Variants in ZNF608 observed in about 807,000 individuals in gnomAD.
The protein encoded by ZNF608 is zinc finger protein 608.
ZNF608 carries 12 observed loss-of-function variants against 109.0 expected under a neutral mutation model. That is an observed-to-expected ratio of 0.11 (90% CI 0.07 to 0.18). The LOEUF is 0.18. Ranked by LOEUF, ZNF608 falls within the 10% of genes least tolerant of loss-of-function variation. ZNF608 has a pLI of 1.00. For missense variants in ZNF608, 1,707 were observed against 1,879.3 expected (o/e 0.91, Z 1.70); for synonymous variants, 732 against 717.4 (o/e 1.02, Z -0.33).
chr5:124,708,810 G>A (rs757519449), intron 2 of ZNF608: 2 of 454,926 alleles, frequency 4.4e-6, no homozygotes, highest in South Asian at 1.6e-5. Context: ...TGGCCCCAAG[G>A]CCAGTGGGGC....
In ZNF608 at chr5:124,648,572, A is replaced by G. The variant is rs145180700; in HGVS notation, c.1812T>C (p.Asn604=). The change falls in exon 5 of 10, where the codon AAT becomes AAC. Residue 604 remains asparagine (N), a synonymous_variant. Transcript: ENST00000513986. ...KISDCEEGLS[N]VALECSEPST... ...TTGGCTCACTGCATTCAAGTGCCAC[A>G]TTACTCAATCCTTCCTCACAGTCCG... 1.8e-4 allele frequency: 289 copies of G among 1,614,020 alleles called. No individual in the cohort carries two copies. The highest frequency in any genetic ancestry group is 2.4e-4 in the Non-Finnish European group (284 of 1,180,044).
chr5:124,737,723 T>G (rs1017116268), intron 2 of ZNF608, among the ~76,000 whole-genome samples: 1 of 152,216 alleles, frequency 6.6e-6, no homozygotes, highest in Non-Finnish European at 1.5e-5. Context: ...TATGCAAAAT[T>G]CAGCTTTAGG....
rs768310125 is a variant in ZNF608, at chr5:124,744,456, G to C, written c.534C>G (p.Thr178=). 1 of 1,614,240 alleles carries C rather than the reference G, an allele frequency of 6.2e-7. No individual in the cohort carries two copies. The highest frequency in any genetic ancestry group is 8.5e-7 in the Non-Finnish European group (1 of 1,180,042). Residue 178 remains threonine (T), a synonymous_variant, in exon 2 of 10, where the codon ACC becomes ACG. Transcript: ENST00000513986. This position sits in a 1 kb window ranked among gnomAD's most constrained non-coding sequence, Gnocchi z 4.5. The part of the protein sequence containing the change: ...NSTSTSTSAA[T]AGAGSCGKSK... ...TTTTCCCACAGGAGCCTGCCCCCGCGGTGGCGGCAGAGGTGCTGGTGCTGG... is the reference window on the plus strand; with the variant it reads ...TTTTCCCACAGGAGCCTGCCCCCGCCGTGGCGGCAGAGGTGCTGGTGCTGG...
At chr5:124,743,205 C>A (rs991100432) in intron 2 of ZNF608, among the ~76,000 whole-genome samples, 3 of 152,222 alleles carry the variant, frequency 2.0e-5, no homozygotes. Flanking sequence ...ACCATCCACA[C>A]CGTTTAAATG....
intron 2 of ZNF608, among the ~76,000 whole-genome samples, chr5:124,703,089 G>GTT (rs375528536): frequency 2.7e-5 from 4 of 148,258 alleles, no homozygotes; most frequent in African/African-American, 7.4e-5. Flanking sequence ...TAAACCAGTG[G>GTT]TTTTTTTTTT....
intron 2 of ZNF608, among the ~76,000 whole-genome samples, chr5:124,718,546 C>G (rs1753791986): frequency 6.6e-6 from 1 of 152,180 alleles, no homozygotes; most frequent in Admixed American, 6.5e-5. Flanking sequence ...GGGCCACTGC[C>G]AAAAGCCCTT....
intron 3 of ZNF608, among the ~76,000 whole-genome samples, chr5:124,691,451 T>TA (rs1436887422): frequency 1.3e-5 from 2 of 152,150 alleles, no homozygotes; most frequent in African/African-American, 2.4e-5. Context: ...AGCCATTATT[T>TA]AAAAAATCAA....
intron 1 of ZNF608, chr5:124,745,898 T>C (rs1749622200): frequency 6.5e-6 from 1 of 154,444 alleles, no homozygotes; most frequent in Non-Finnish European, 1.4e-5. Context: ...ATATAAAAAG[T>C]TAAATACCTG....
chr5:124,723,177 C>T (rs116190950), intron 2 of ZNF608, among the ~76,000 whole-genome samples: 1 of 151,830 alleles, frequency 6.6e-6, no homozygotes, highest in Non-Finnish European at 1.5e-5. Context: ...ATTACAGGCA[C>T]GCGACACCAC....
In ZNF608 at chr5:124,744,808, T is replaced by A. The variant is rs141225030; in HGVS notation, c.182A>T (p.Asn61Ile). The A allele has an allele frequency of 3.0e-5, 49 of 1,613,998 alleles. No homozygotes were observed. The African/African-American group carries it at 6.0e-4, about 20-fold the overall frequency. The change falls in exon 2 of 10, where the codon AAC (asparagine) becomes ATC (isoleucine). Residue 61 changes from asparagine (N) to isoleucine (I), a missense_variant. Transcript: ENST00000513986. This position sits in a 1 kb window ranked among gnomAD's most constrained non-coding sequence, Gnocchi z 4.5. The stretch of plus-strand genomic sequence containing the variant: ...GGCCGGACCTCCACAATCCTTGGAG[T>A]TGCTGCTACTAGTGGTGGTGGTGGA... The part of the protein sequence containing the change: ...NNSTTTTSSS[N>I]SKDCGGPASS...
rs755956432 is a variant in ZNF608, at chr5:124,646,983, G to A, written c.3401C>T (p.Pro1134Leu). 5 of 1,614,038 alleles carry A rather than the reference G, an allele frequency of 3.1e-6. No individual in the cohort carries two copies. The East Asian group carries it at 6.7e-5, about 22-fold the overall frequency. ...RGDCERKSEL[P>L]LKELGKEETK... ...TTCCTCCTTGCCCAGCTCTTTCAAG[G>A]GGAGCTCACTTTTCCTTTCACAGTC... Residue 1134 changes from proline (P) to leucine (L), a missense_variant, in exon 5 of 10, where the codon CCC becomes CTC. By Grantham distance (98) the Pro-to-Leu change is moderately conservative. Transcript: ENST00000513986.
chr5:124,730,057 A>T (rs1748821725), intron 2 of ZNF608, among the ~76,000 whole-genome samples: 1 of 152,252 alleles, frequency 6.6e-6, no homozygotes, highest in Non-Finnish European at 1.5e-5. Flanking sequence ...AAGTAAAATT[A>T]TTCAAAAAGC....
chr5:124,716,196 C>G (rs901992753), intron 2 of ZNF608, among the ~76,000 whole-genome samples: 25 of 147,850 alleles, frequency 1.7e-4, no homozygotes, highest in South Asian at 4.3e-4. Context: ...AGTTGCTTTA[C>G]GTATCAAAAC....
rs1406416536 is a variant in ZNF608 at position 124,708,778 on chromosome 5, G to C, written c.907-7509C>G. ...TTAGCAGCTGATCTGGTAGGACTTG[G>C]CCTGGGGATGGACCAGGGCTCTGGC... On this transcript the variant is annotated intron_variant, in intron 2 of 9. Coordinates refer to ENST00000513986, the MANE Select transcript of ZNF608 (RefSeq NM_020747.3). 1.1e-5 allele frequency: 5 copies of C among 456,196 alleles called. 1 individual carries two copies. The highest frequency in any genetic ancestry group is 7.7e-5 in the South Asian group (5 of 64,572). The allele number at this position is 456,196 out of a possible 1,614,324, so 28.3% of individuals were successfully genotyped here.
Position 124,646,151 on chromosome 5 carries a change from A to G in ZNF608, c.3705+528T>C, listed in dbSNP as rs151187313. On this transcript the variant is annotated intron_variant, in intron 5 of 9. Coordinates refer to ENST00000513986, the MANE Select transcript of ZNF608 (RefSeq NM_020747.3). Reference sequence around the variant, plus strand: ...GCCAGGGTGGGCGGATCATGAGGTCAGGAGATCGAGACCATCTCGCTAACA... The same window carrying G: ...GCCAGGGTGGGCGGATCATGAGGTCGGGAGATCGAGACCATCTCGCTAACA... 1.4e-4 allele frequency among the ~76,000 whole-genome samples: 22 copies of G among 152,272 alleles called. No individual in the cohort carries two copies. In the East Asian group the frequency reaches 3.9e-3, roughly 27 times the overall value.
chr5:124,665,863 T>C (rs1179750990), intron 3 of ZNF608, among the ~76,000 whole-genome samples: 1 of 152,222 alleles, frequency 6.6e-6, no homozygotes, highest in African/African-American at 2.4e-5. Flanking sequence ...CTCCTCCCAA[T>C]AGCCTGCCAG....
At chr5:124,663,342 G>T (rs931814647) in intron 3 of ZNF608, among the ~76,000 whole-genome samples, 1 of 152,190 alleles carries the variant, frequency 6.6e-6, no homozygotes, top group African/African-American at 2.4e-5. Flanking sequence ...GCCGTAGAAG[G>T]TACACACCAG....
At chr5:124,733,142 C>A (rs376325729) in intron 2 of ZNF608, among the ~76,000 whole-genome samples, 2 of 151,614 alleles carry the variant, frequency 1.3e-5, no homozygotes, top group East Asian at 3.9e-4. Context: ...TAGGATTTGG[C>A]GACCAAGTAA....
In ZNF608 at chr5:124,649,022, G is replaced by A. The variant is rs1296322615; in HGVS notation, c.1362C>T (p.Ser454=). 2.5e-6 allele frequency: 4 copies of A among 1,613,966 alleles called. No individual in the cohort carries two copies. Among genetic ancestry groups the A allele is most frequent in the Admixed American group, 1.7e-5 (1 of 59,994 alleles). The change falls in exon 5 of 10, where the codon TCC becomes TCT. Residue 454 remains serine, a synonymous_variant. Transcript: ENST00000513986. ...APGSEASFTE[S]RGLQNKNRGG... The stretch of plus-strand genomic sequence containing the variant: ...CTCTGTTCTTATTCTGCAGCCCTCT[G>A]GACTCTGTGAAGCTGGCCTCGGAGC...
Sources: allele counts gnomAD v4.1 joint callset (sites outside exome capture counted in the v4.1 genomes callset), GRCh38; gene constraint gnomAD v4.1.1; non-coding constraint Gnocchi (gnomAD v3.1); transcripts MANE v1.5; gene names NCBI Gene and HGNC (gene_info 2026-07-23, HGNC 2026-07-21).